The following SERPINB13 variants were observed in gnomAD, a reference collection of about 807,000 sequenced individuals.
SERPINB13 encodes serpin B13.
Under a neutral mutation model 31.2 loss-of-function variants are expected in SERPINB13, and 26 were observed. The ratio of observed to expected loss-of-function variants is 0.83; its 90% confidence interval spans 0.61 to 1.15. The LOEUF is 1.15. SERPINB13 is among the 50% of genes most tolerant of loss of function. The pLI is 0.00. For synonymous variants in SERPINB13, 191 were observed against 172.4 expected (o/e 1.11, Z -0.85); for missense variants, 510 against 469.4 (o/e 1.09, Z -0.80).
chr18:63,588,704 T>G lies in SERPINB13; in HGVS notation c.37T>G (p.Phe13Val). ...TGGCGCCGTCAGCACTCGACTTGGGTTTGATCTTTTCAAAGAGCTGAAGAA... is the reference window on the plus strand; with the variant it reads ...TGGCGCCGTCAGCACTCGACTTGGGGTTGATCTTTTCAAAGAGCTGAAGAA... ...SLGAVSTRLG[F>V]DLFKELKKTN... The change falls in exon 2 of 8, where the codon TTT becomes GTT. Residue 13 changes from phenylalanine (F) to valine (V), a missense_variant. Physicochemically the swap from Phe to Val is conservative, Grantham distance 50. Coordinates refer to ENST00000344731, the MANE Select transcript of SERPINB13 (RefSeq NM_012397.4). 1 of 1,614,140 alleles carries G rather than the reference T, an allele frequency of 6.2e-7. No individual in the cohort carries two copies. The highest frequency in any genetic ancestry group is 1.1e-5 in the South Asian group (1 of 91,084).
chr18:63,589,524 A>G (rs1911724769), intron 2 of SERPINB13, 132 bp from the exon 3 acceptor site: 10 of 1,173,668 alleles, frequency 8.5e-6, no homozygotes, highest in Non-Finnish European at 1.1e-5. Context: ...CCTTTTTCTG[A>G]TTTTGCAAGG....
intron 7 of SERPINB13, among the ~76,000 whole-genome samples, chr18:63,596,173 C>T (rs927375020): frequency 5.9e-5 from 9 of 152,154 alleles, no homozygotes; most frequent in Admixed American, 5.9e-4. Flanking sequence ...CAAATGATAA[C>T]TGCTATCGTC....
chr18:63,588,346 G>A (rs1911631398), intron 1 of SERPINB13, among the ~76,000 whole-genome samples: 1 of 152,154 alleles, frequency 6.6e-6, no homozygotes, highest in Non-Finnish European at 1.5e-5. Context: ...CTGTGGAGAG[G>A]CAGAGACAGG....
chr18:63,595,833 A>G (rs1599453111), intron 7 of SERPINB13, among the ~76,000 whole-genome samples: 1 of 152,022 alleles, frequency 6.6e-6, no homozygotes, highest in African/African-American at 2.4e-5. Flanking sequence ...TGGGAGGTGG[A>G]GCTTGCAGTG....
intron 6 of SERPINB13, 128 bp downstream of exon 6, chr18:63,594,625 G>T (rs1332093539): frequency 6.4e-6 from 6 of 936,608 alleles, no homozygotes; most frequent in Non-Finnish European, 9.6e-6. Context: ...TGGATCATGA[G>T]ATCAAGGGAT....
Position 63,588,881 on chromosome 18 carries a change from TG to T in SERPINB13, c.165+51del, listed in dbSNP as rs562269359. The stretch of plus-strand genomic sequence containing the variant: ...CTTGTTTCCTATGCACAAATTCATT[TG>T]GCGGGGGGGTTGTCAGCCCTCTTGC... On this transcript the variant is annotated intron_variant, in intron 2 of 7. Transcript: ENST00000344731. 5,726 of 1,506,096 alleles carry T rather than the reference TG, an allele frequency of 3.8e-3. 109 individuals are homozygous for T. In the African/African-American group the frequency reaches 0.048, roughly 13 times the overall value. 93.3% of individuals were successfully genotyped at this position (1,506,096 alleles called of 1,614,324 possible).
intron 3 of SERPINB13, among the ~76,000 whole-genome samples, chr18:63,591,579 T>A (rs917597117): frequency 1.3e-5 from 2 of 152,284 alleles, no homozygotes; most frequent in Admixed American, 1.3e-4. Context: ...AAGTGGCTAT[T>A]GAACACTTGC....
In SERPINB13 at chr18:63,597,233, C is replaced by T; in HGVS notation, c.1046C>T (p.Thr349Ile). The T allele has an allele frequency of 6.2e-7, 1 of 1,614,192 alleles. No homozygotes were observed. Among genetic ancestry groups the T allele is most frequent in the Non-Finnish European group, 8.5e-7 (1 of 1,180,044 alleles). Reference sequence around the variant, plus strand: ...GAAGGCACCGAGGCTGCAGCTGCCACCGGCATAGGCTTTACTGTCACATCC... The same window carrying T: ...GAAGGCACCGAGGCTGCAGCTGCCATCGGCATAGGCTTTACTGTCACATCC... ...TEEGTEAAAA[T>I]GIGFTVTSAP... Residue 349 changes from threonine (T) to isoleucine (I), a missense_variant, in exon 8 of 8, where the codon ACC becomes ATC. Transcript: ENST00000344731.
intron 3 of SERPINB13, among the ~76,000 whole-genome samples, 159 bp from the exon 4 acceptor site, chr18:63,592,189 G>C (rs1165163233): frequency 6.6e-6 from 1 of 152,142 alleles, no homozygotes; most frequent in African/African-American, 2.4e-5. Context: ...ATATGACTTG[G>C]GTAAAGGCTA....
At chr18:63,589,609 GTT>G (rs569414728) in intron 2 of SERPINB13, 45 bp from the exon 3 acceptor site, 574 of 1,599,062 alleles carry the variant, frequency 3.6e-4, no homozygotes, top group Middle Eastern at 2.7e-3. Context: ...TCTGTGTGAG[GTT>G]TTCTCTTCTC....
chr18:63,592,239 T>A (rs537349614), intron 3 of SERPINB13, 109 bp from the exon 4 acceptor site: 1 of 1,280,028 alleles, frequency 7.8e-7, no homozygotes, highest in East Asian at 2.4e-5. Context: ...GGGATCACCC[T>A]TGAGGCTGAC....
chr18:63,593,743 G>A (rs1911991651), intron 5 of SERPINB13, among the ~76,000 whole-genome samples: 1 of 151,986 alleles, frequency 6.6e-6, no homozygotes, highest in African/African-American at 2.4e-5. Flanking sequence ...TCTGAAGAAA[G>A]GAAATAAAAG....
chr18:63,590,345 A>G (rs1280764019), intron 3 of SERPINB13, among the ~76,000 whole-genome samples: 3 of 152,218 alleles, frequency 2.0e-5, no homozygotes, highest in African/African-American at 7.2e-5. Flanking sequence ...GGTCGGGGCT[A>G]GGATCAGACG....
Position 63,597,461 on chromosome 18 carries a change from C to G in SERPINB13, c.*98C>G. 7.8e-7 allele frequency: 1 copy of G among 1,286,666 alleles called. No individual in the cohort carries two copies. Among genetic ancestry groups the G allele is most frequent in the East Asian group, 2.3e-5 (1 of 42,934 alleles). 79.7% of individuals were successfully genotyped at this position (1,286,666 alleles called of 1,614,324 possible). A position where few individuals can be genotyped will look rare whatever the true frequency, so the allele number is the denominator to read the frequency against. ...TCGTCCATTCTTTTAAATGTTGTCT[C>G]ACTTGCATTTCCAGTCTTGGCCATC... On this transcript the variant is annotated 3_prime_UTR_variant, in exon 8 of 8. Coordinates refer to ENST00000344731, the MANE Select transcript of SERPINB13 (RefSeq NM_012397.4).
Position 63,592,882 on chromosome 18 carries a change from A to T in SERPINB13, c.383A>T (p.Tyr128Phe), listed in dbSNP as rs778055711. 1 of 1,606,136 alleles carries T rather than the reference A, an allele frequency of 6.2e-7. No individual in the cohort carries two copies. The highest frequency in any genetic ancestry group is 8.5e-7 in the Non-Finnish European group (1 of 1,175,444). ...TACTTAGATTATGTTGAAAAATATT[A>T]TCATGCATCTCTGGAACCTGTTGAT... ...QKYLDYVEKY[Y>F]HASLEPVDFV... The change falls in exon 5 of 8, where the codon TAT becomes TTT. Residue 128 changes from tyrosine to phenylalanine, a missense_variant. Physicochemically the swap from Tyr to Phe is conservative, Grantham distance 22. Transcript: ENST00000344731.
chr18:63,591,220 A>G (rs1239610576), intron 3 of SERPINB13, among the ~76,000 whole-genome samples: 1 of 152,072 alleles, frequency 6.6e-6, no homozygotes, highest in Non-Finnish European at 1.5e-5. Flanking sequence ...ATTACATGCC[A>G]TATATTTTTG....
chr18:63,588,751 C>T lies in SERPINB13; in HGVS notation c.84C>T (p.Phe28=). The change falls in exon 2 of 8, where the codon TTC becomes TTT. Residue 28 remains phenylalanine, a synonymous_variant. Transcript: ENST00000344731. ...ELKKTNDGNI[F]FSPVGILTAI... ...AGAAAACAAATGATGGCAACATCTT[C>T]TTTTCCCCTGTGGGCATCTTGACTG... 1 of 1,614,200 alleles carries T rather than the reference C, an allele frequency of 6.2e-7. No individual in the cohort carries two copies. The highest frequency in any genetic ancestry group is 1.3e-5 in the African/African-American group (1 of 75,070).
chr18:63,595,147 T>C lies in SERPINB13; in HGVS notation c.734T>C (p.Phe245Ser), dbSNP rs1289624219. The C allele has an allele frequency of 5.0e-6, 8 of 1,613,836 alleles. No individual in the cohort carries two copies. Among genetic ancestry groups the C allele is most frequent in the South Asian group, 1.1e-5 (1 of 91,034 alleles). ...IPYKNNDLSM[F>S]VLLPNDIDGL... ...TATAAAAACAACGACCTAAGCATGT[T>C]TGTGCTTCTGCCCAACGACATCGAT... The change falls in exon 7 of 8, where the codon TTT (phenylalanine) becomes TCT (serine). Residue 245 changes from phenylalanine to serine, a missense_variant. Transcript: ENST00000344731.
Position 63,597,070 on chromosome 18 carries a change from G to T in SERPINB13, c.883G>T (p.Asp295Tyr). ...CCGGTTTGAGGTGGAGGACGGTTAC[G>T]ATCTAGAGGCGGTCCTGGCTGCCAT... Reference protein sequence around the residue: ...LPRFEVEDGYDLEAVLAAMGM... With the variant: ...LPRFEVEDGYYLEAVLAAMGM... The change falls in exon 8 of 8, where the codon GAT becomes TAT. Residue 295 changes from aspartate (D) to tyrosine (Y), a missense_variant. By Grantham distance (160) the Asp-to-Tyr change is radical. Coordinates refer to ENST00000344731, the MANE Select transcript of SERPINB13 (RefSeq NM_012397.4). 1.9e-6 allele frequency: 3 copies of T among 1,614,216 alleles called. No individual in the cohort carries two copies. The highest frequency in any genetic ancestry group is 1.3e-5 in the African/African-American group (1 of 75,060).
Sources: gnomAD v4.1 joint callset for allele counts (sites outside exome capture counted in the v4.1 genomes callset) on GRCh38, gnomAD v4.1.1 for gene constraint, MANE v1.5 for transcripts, NCBI Gene and HGNC (gene_info 2026-07-23, HGNC 2026-07-21) for gene names.